The following LARGE1 variants were observed in gnomAD, a reference collection of about 807,000 sequenced individuals.
The protein encoded by LARGE1 is LARGE xylosyl- and glucuronyltransferase 1.
A neutral mutation model predicts 87.6 loss-of-function variants in LARGE1; 43 were observed. That is an observed-to-expected ratio of 0.49 (90% CI 0.38 to 0.63). The LOEUF is 0.63. Among genes scored for constraint, LARGE1 ranks in the 30% least tolerant of loss-of-function variants. The pLI, the probability that LARGE1 is intolerant of heterozygous loss-of-function variation, is 0.00. For synonymous variants in LARGE1, 434 were observed against 394.6 expected, an observed-to-expected ratio of 1.10 and a Z score of -1.18; for missense variants, 802 against 1,000.2, an observed-to-expected ratio of 0.80 and a Z score of 2.67.
At chr22:33,100,074 G>A in the LARGE1 span, among the ~76,000 whole-genome samples, 3 of 152,184 alleles carry the variant, frequency 2.0e-5, no homozygotes, top group Non-Finnish European at 2.9e-5. Context: ...GGTGGCTTAT[G>A]CCTGTAATCC....
At chr22:33,609,855 CT>C (rs1731755932) in intron 4 of LARGE1, among the ~76,000 whole-genome samples, 1 of 151,848 alleles carries the variant, frequency 6.6e-6, no homozygotes, top group Admixed American at 6.6e-5. Flanking sequence ...AAGAGAAACT[CT>C]TTTTTTAAGA....
At chr22:33,919,095 C>T (rs1447033088) in intron 1 of LARGE1, among the ~76,000 whole-genome samples, 3 of 122,456 alleles carry the variant, frequency 2.4e-5, no homozygotes, top group Non-Finnish European at 3.3e-5. Flanking sequence ...CACATCAGCA[C>T]AGAGACGAAA....
At chr22:33,521,014 T>A (rs2148505017) in intron 6 of LARGE1, among the ~76,000 whole-genome samples, 1 of 152,304 alleles carries the variant, frequency 6.6e-6, no homozygotes, top group African/African-American at 2.4e-5. Context: ...TGATTTTCAG[T>A]CCCCAGCGCT....
chr22:33,614,924 C>T lies in LARGE1; in HGVS notation c.492-10366G>A, dbSNP rs559181331. ...GCAGTTCCAGGGTTGAGCATGCTCT[C>T]CTGGCAGGCTTGTGCCCATGCTGTC... is the stretch of plus-strand genomic sequence containing the variant. On this transcript the variant is annotated intron_variant, in intron 4 of 14. Transcript: ENST00000397394. Among the ~76,000 whole-genome samples, 11 of 152,346 alleles carry T rather than the reference C, an allele frequency of 7.2e-5. No individual in the cohort carries two copies. The South Asian group carries it at 2.3e-3, about 32-fold the overall frequency.
intron 10 of LARGE1, among the ~76,000 whole-genome samples, chr22:33,326,407 AC>A (rs2146425611): frequency 6.6e-6 from 1 of 152,256 alleles, no homozygotes; most frequent in African/African-American, 2.4e-5. Flanking sequence ...GTCACTAATT[AC>A]AAACACAGTG....
intron 7 of LARGE1, among the ~76,000 whole-genome samples, chr22:33,423,679 CAAA>C (rs57917109): frequency 1.7e-5 from 2 of 119,286 alleles, no homozygotes. Flanking sequence ...GATTCTGTCT[CAAA>C]AAAAAAAAAA....
chr22:33,359,557 C>T (rs1405723413), intron 9 of LARGE1, among the ~76,000 whole-genome samples: 1 of 145,142 alleles, frequency 6.9e-6, no homozygotes, highest in Admixed American at 6.8e-5. Flanking sequence ...ATGGCAGACT[C>T]ATCTTTTTTT....
intron 11 of LARGE1, among the ~76,000 whole-genome samples, chr22:33,263,717 G>A (rs954971282): frequency 5.9e-5 from 9 of 152,212 alleles, no homozygotes; most frequent in African/African-American, 9.6e-5. Context: ...TAATACATGC[G>A]TGCTGTTTGA....
At chr22:33,397,334 C>T (rs1429483880) in intron 7 of LARGE1, among the ~76,000 whole-genome samples, 1 of 152,128 alleles carries the variant, frequency 6.6e-6, no homozygotes, top group African/African-American at 2.4e-5. Flanking sequence ...AGGCTGGTCT[C>T]GAACTCCCGA....
At chr22:33,287,451 A>G (rs569290564) in intron 12 of LARGE1, among the ~76,000 whole-genome samples, 17 of 152,362 alleles carry the variant, frequency 1.1e-4, no homozygotes, top group African/African-American at 3.6e-4. Context: ...GTCACCAGAT[A>G]GATCTATTTC....
At chr22:33,426,282 AAC>A (rs1156540975) in intron 7 of LARGE1, among the ~76,000 whole-genome samples, 4 of 152,178 alleles carry the variant, frequency 2.6e-5, no homozygotes, top group Non-Finnish European at 4.4e-5. Flanking sequence ...AACAAAACAA[AAC>A]AGTTTTCTAC....
chr22:33,120,091 T>C, the LARGE1 span, among the ~76,000 whole-genome samples: 1 of 152,158 alleles, frequency 6.6e-6, no homozygotes, highest in Non-Finnish European at 1.5e-5. Context: ...TTAGTAAATA[T>C]ATTGACTCTT....
chr22:33,520,011 T>C (rs1602230214), intron 6 of LARGE1, among the ~76,000 whole-genome samples: 1 of 146,544 alleles, frequency 6.8e-6, no homozygotes, highest in Non-Finnish European at 1.5e-5. Context: ...TTTTTTTTTT[T>C]TTTTTTTTTT....
chr22:33,847,798 G>T (rs2146476537), intron 1 of LARGE1, among the ~76,000 whole-genome samples: 1 of 152,290 alleles, frequency 6.6e-6, no homozygotes, highest in Middle Eastern at 3.4e-3. Context: ...TGTTGTTTTT[G>T]AAACAACTGC....
At position 33,528,521 on chromosome 22, in the gene LARGE1, G is replaced by A. The variant is rs1569241091; in HGVS notation, c.787+36327C>T. Among the ~76,000 whole-genome samples the A allele has an allele frequency of 2.0e-5, 3 of 152,286 alleles. No individual in the cohort carries two copies. In the South Asian group the frequency reaches 6.2e-4, roughly 32 times the overall value. On this transcript the variant is annotated intron_variant, in intron 6 of 14. Transcript: ENST00000397394. ...AGCATTATCCAAGGGTGGAGGTTTT[G>A]ATCCTCTGATGTCAAAAGGTGAAGC...
chr22:33,586,548 C>G (rs1399355845), intron 5 of LARGE1, among the ~76,000 whole-genome samples: 2 of 151,918 alleles, frequency 1.3e-5, no homozygotes, highest in East Asian at 3.9e-4. Flanking sequence ...AGCTCCGCCT[C>G]CTGGGTTCAC....
intron 6 of LARGE1, among the ~76,000 whole-genome samples, chr22:33,515,985 G>T (rs1435324389): frequency 2.0e-5 from 3 of 152,182 alleles, no homozygotes; most frequent in Non-Finnish European, 2.9e-5. Flanking sequence ...CAACGCCACC[G>T]TGTCCAGGCC....
chr22:33,296,110 T>C (rs1206049271), intron 12 of LARGE1, among the ~76,000 whole-genome samples: 2 of 152,234 alleles, frequency 1.3e-5, no homozygotes, highest in African/African-American at 4.8e-5. Context: ...TGTCCTGATG[T>C]TTACTGTTAG....
intron 7 of LARGE1, among the ~76,000 whole-genome samples, chr22:33,416,000 G>A (rs1468003913): frequency 1.3e-5 from 2 of 152,192 alleles, no homozygotes; most frequent in African/African-American, 2.4e-5. Context: ...GCTGCACCAC[G>A]AATCTTAGCT....
Sources: gnomAD v4.1 joint callset for allele counts (sites outside exome capture counted in the v4.1 genomes callset) on GRCh38, gnomAD v4.1.1 for gene constraint, MANE v1.5 for transcripts, NCBI Gene and HGNC (gene_info 2026-07-23, HGNC 2026-07-21) for gene names.